GAREM1: variants seen among roughly 807,000 people sequenced by gnomAD.
The protein encoded by GAREM1 is GRB2 associated regulator of MAPK1 subtype 1.
In GAREM1, 26 loss-of-function variants were observed where a neutral mutation model predicts 71.3. The ratio of observed to expected loss-of-function variants is 0.36; its 90% confidence interval spans 0.27 to 0.51. The LOEUF is 0.51. Among genes scored for constraint, GAREM1 ranks in the 20% least tolerant of loss-of-function variants. The probability of loss-of-function intolerance (pLI) is 0.95; values close to 1 mark genes in which losing one functional copy is unlikely to be tolerated. For synonymous variants in GAREM1, 440 were observed against 433.2 expected (o/e 1.02, Z -0.20); for missense variants, 1,026 against 1,103.1 (o/e 0.93, Z 0.99).
intron 2 of GAREM1, among the ~76,000 whole-genome samples, chr18:32,326,744 T>C (rs536116229): frequency 2.0e-3 from 310 of 152,322 alleles, no homozygotes; most frequent in Non-Finnish European, 3.6e-3. Context: ...TCCCAATACT[T>C]CATTTTCATC....
At chr18:32,332,323 C>T (rs865896635) in intron 2 of GAREM1, among the ~76,000 whole-genome samples, 1 of 151,808 alleles carries the variant, frequency 6.6e-6, no homozygotes, top group Non-Finnish European at 1.5e-5. Context: ...TCAGTGGATG[C>T]GGTGTTTACT....
intron 1 of GAREM1, among the ~76,000 whole-genome samples, chr18:32,395,174 T>C (rs2048238982): frequency 6.6e-6 from 1 of 152,176 alleles, no homozygotes; most frequent in Non-Finnish European, 1.5e-5. Context: ...TCTCTCTCCA[T>C]CTCTCTCCTG....
At chr18:32,417,632 A>G (rs2048477644) in intron 1 of GAREM1, among the ~76,000 whole-genome samples, 1 of 152,170 alleles carries the variant, frequency 6.6e-6, no homozygotes, top group Non-Finnish European at 1.5e-5. Context: ...AAAGACAGAC[A>G]TTGTATGTTC....
intron 3 of GAREM1, among the ~76,000 whole-genome samples, chr18:32,290,071 C>T (rs976439988): frequency 2.0e-5 from 3 of 151,496 alleles, no homozygotes; most frequent in African/African-American, 7.3e-5. Flanking sequence ...TGCAGTGTCA[C>T]TTTTACTGTA....
intron 3 of GAREM1, among the ~76,000 whole-genome samples, chr18:32,309,691 G>A (rs745465508): frequency 1.4e-4 from 21 of 149,588 alleles, no homozygotes; most frequent in Admixed American, 3.3e-4. Context: ...GCTTTTCTCT[G>A]GGCAATATCA....
chr18:32,403,027 C>T (rs753715391), intron 1 of GAREM1, among the ~76,000 whole-genome samples: 2 of 152,112 alleles, frequency 1.3e-5, no homozygotes, highest in Non-Finnish European at 2.9e-5. Context: ...AAGTGATTCT[C>T]GTGCCTCAGC....
chr18:32,387,938 C>A (rs1433286951), intron 2 of GAREM1, among the ~76,000 whole-genome samples: 1 of 152,194 alleles, frequency 6.6e-6, no homozygotes, highest in African/African-American at 2.4e-5. Flanking sequence ...GCTGCCCAGG[C>A]TGTGCACTGC....
chr18:32,429,201 G>A (rs1440907279), intron 1 of GAREM1, among the ~76,000 whole-genome samples: 4 of 152,064 alleles, frequency 2.6e-5, no homozygotes, highest in Non-Finnish European at 4.4e-5. Context: ...CTGTTGGACC[G>A]CTTTTATATC....
intron 1 of GAREM1, among the ~76,000 whole-genome samples, chr18:32,418,430 C>T (rs974168576): frequency 6.6e-6 from 1 of 152,102 alleles, no homozygotes; most frequent in Non-Finnish European, 1.5e-5. Context: ...TATGGAATAG[C>T]CACATACTGT....
chr18:32,376,526 G>C (rs530279911), intron 2 of GAREM1, among the ~76,000 whole-genome samples: 2 of 151,970 alleles, frequency 1.3e-5, no homozygotes, highest in South Asian at 4.2e-4. Context: ...TTCCTTTTTT[G>C]TCTTATTACA....
intron 1 of GAREM1, among the ~76,000 whole-genome samples, chr18:32,459,744 A>C (rs2048933866): frequency 6.6e-6 from 1 of 152,202 alleles, no homozygotes; most frequent in African/African-American, 2.4e-5. Context: ...ACTGGGGACC[A>C]GAAATGACAA....
intron 2 of GAREM1, among the ~76,000 whole-genome samples, chr18:32,339,784 G>A (rs774084469): frequency 1.3e-5 from 2 of 152,102 alleles, no homozygotes; most frequent in Non-Finnish European, 2.9e-5. Context: ...AATATAAACC[G>A]GGAACGCGGA....
At chr18:32,344,753 GAATA>G (rs2144581445) in intron 2 of GAREM1, among the ~76,000 whole-genome samples, 1 of 152,284 alleles carries the variant, frequency 6.6e-6, no homozygotes, top group Admixed American at 6.5e-5. Flanking sequence ...GAAAGCTGAT[GAATA>G]GTCTCCAATA....
chr18:32,364,011 T>G (rs1386109277), intron 2 of GAREM1, among the ~76,000 whole-genome samples: 1 of 57,552 alleles, frequency 1.7e-5, no homozygotes, highest in Non-Finnish European at 3.2e-5. Context: ...TATATATATA[T>G]ATATATATAT....
chr18:32,423,376 A>T (rs2048539705), intron 1 of GAREM1, among the ~76,000 whole-genome samples: 1 of 152,248 alleles, frequency 6.6e-6, no homozygotes, highest in Non-Finnish European at 1.5e-5. Context: ...TTTACACTGA[A>T]AAATACATTC....
chr18:32,363,055 T>C (rs1251279468), intron 2 of GAREM1, among the ~76,000 whole-genome samples: 3 of 152,212 alleles, frequency 2.0e-5, no homozygotes, highest in Non-Finnish European at 4.4e-5. Context: ...TATTCAGCCA[T>C]GGCAATAAGT....
At chr18:32,319,277 C>G (rs1386760897) in intron 2 of GAREM1, among the ~76,000 whole-genome samples, 1 of 152,112 alleles carries the variant, frequency 6.6e-6, no homozygotes, top group Non-Finnish European at 1.5e-5. Context: ...TAGCCAGTTG[C>G]CATTTTTCAA....
intron 2 of GAREM1, among the ~76,000 whole-genome samples, chr18:32,322,808 C>G (rs1449227075): frequency 3.3e-5 from 5 of 152,138 alleles, no homozygotes; most frequent in African/African-American, 1.2e-4. Flanking sequence ...ATGTTGATTA[C>G]CAGAGTCTAT....
intron 2 of GAREM1, among the ~76,000 whole-genome samples, chr18:32,357,160 C>T (rs561937501): frequency 2.4e-4 from 37 of 152,254 alleles, no homozygotes; most frequent in Admixed American, 3.9e-4. Flanking sequence ...ACTCAGGTTT[C>T]GGCTTACAAG....
Sources: allele counts gnomAD v4.1 joint callset (sites outside exome capture counted in the v4.1 genomes callset), GRCh38; gene constraint gnomAD v4.1.1; transcripts MANE v1.5; gene names NCBI Gene and HGNC (gene_info 2026-07-23, HGNC 2026-07-21).